Variants in ARHGAP19 observed in about 807,000 individuals in gnomAD.
The protein encoded by ARHGAP19 is Rho GTPase activating protein 19, also known as rho GTPase-activating protein 19.
In ARHGAP19, 48 loss-of-function variants were observed where a neutral mutation model predicts 60.9. The ratio of observed to expected loss-of-function variants is 0.79; its 90% confidence interval spans 0.62 to 1.00. The LOEUF is 1.00. Ranked by LOEUF, ARHGAP19 falls within the 50% of genes least tolerant of loss-of-function variation. ARHGAP19 has a pLI of 0.00. For synonymous variants in ARHGAP19, 209 were observed against 215.5 expected (o/e 0.97, Z 0.27); for missense variants, 562 against 597.2 (o/e 0.94, Z 0.61).
chr10:97,285,165 G>A lies in ARHGAP19; in HGVS notation c.56+7407C>T, dbSNP rs974535586. Among the ~76,000 whole-genome samples, 7 of 151,876 alleles carry A rather than the reference G, an allele frequency of 4.6e-5. 1 individual carries two copies. In the South Asian group the frequency reaches 6.2e-4, roughly 14 times the overall value. The stretch of plus-strand genomic sequence containing the variant: ...CAGGCATGAGACACTGTGCAAGGCC[G>A]AAAGTATATACTCTTAAAGCTTCAA... On this transcript the variant is annotated intron_variant, in intron 1 of 11. Coordinates refer to ENST00000358531, the MANE Select transcript of ARHGAP19 (RefSeq NM_032900.6).
chr10:97,282,059 C>T (rs971447089), intron 1 of ARHGAP19, among the ~76,000 whole-genome samples: 1 of 152,208 alleles, frequency 6.6e-6, no homozygotes, highest in Non-Finnish European at 1.5e-5. Flanking sequence ...CTGGTAACAG[C>T]ACCCCCATTT....
chr10:97,249,947 G>A (rs1258460349), intron 6 of ARHGAP19, among the ~76,000 whole-genome samples: 1 of 151,854 alleles, frequency 6.6e-6, no homozygotes, highest in African/African-American at 2.4e-5. Context: ...ACCGCGCCTG[G>A]CTAATTTTTT....
At chr10:97,243,921 C>A (rs184606476) in intron 8 of ARHGAP19, 47 bp downstream of exon 8, 2 of 1,487,280 alleles carry the variant, frequency 1.3e-6, no homozygotes, top group Non-Finnish European at 1.8e-6. Context: ...TCTACAACCA[C>A]GATTACACTC....
At chr10:97,239,380 C>T (rs1382902366) in intron 8 of ARHGAP19, among the ~76,000 whole-genome samples, 1 of 152,074 alleles carries the variant, frequency 6.6e-6, no homozygotes, top group Admixed American at 6.6e-5. Flanking sequence ...CCTGTAGTCC[C>T]AGCTACTCTG....
At chr10:97,243,678 C>CG (rs1347614996) in intron 8 of ARHGAP19, among the ~76,000 whole-genome samples, 1 of 152,152 alleles carries the variant, frequency 6.6e-6, no homozygotes, top group Admixed American at 6.5e-5. Flanking sequence ...GTTTAAACTT[C>CG]GGAACAATAT....
At chr10:97,259,805 CA>C (rs1400671692) in intron 4 of ARHGAP19, among the ~76,000 whole-genome samples, 177 bp from the exon 5 acceptor site, 1 of 135,056 alleles carries the variant, frequency 7.4e-6, no homozygotes, top group East Asian at 2.3e-4. Context: ...CAATGCAATT[CA>C]ACAATAAAAA....
chr10:97,250,212 G>T (rs1253393), intron 6 of ARHGAP19, among the ~76,000 whole-genome samples: 130,121 of 151,734 alleles, frequency 0.86, 56,141 homozygotes, highest in Non-Finnish European at 0.91. Flanking sequence ...AACATATATA[G>T]AGAGAGATAA....
chr10:97,274,298 T>C (rs1415899810), intron 1 of ARHGAP19, among the ~76,000 whole-genome samples: 2 of 152,016 alleles, frequency 1.3e-5, no homozygotes, highest in African/African-American at 4.8e-5. Context: ...ACCCCGTCTC[T>C]ACTAAAAAAT....
intron 1 of ARHGAP19, among the ~76,000 whole-genome samples, chr10:97,289,820 C>T (rs1257685464): frequency 6.8e-6 from 1 of 147,278 alleles, no homozygotes; most frequent in African/African-American, 2.5e-5. Flanking sequence ...TATCACTGCA[C>T]TCCAGCCTGG....
At position 97,225,983 on chromosome 10, in the gene ARHGAP19, GGGTCAC is replaced by G; in HGVS notation, c.*133_*138del. 1.2e-6 allele frequency: 1 copy of G among 823,190 alleles called. No homozygotes were observed. Among genetic ancestry groups the G allele is most frequent in the Non-Finnish European group, 2.0e-6 (1 of 512,186 alleles). 51.0% of individuals were successfully genotyped at this position (823,190 alleles called of 1,614,324 possible). On this transcript the variant is annotated 3_prime_UTR_variant, in exon 12 of 12. Coordinates refer to ENST00000358531, the MANE Select transcript of ARHGAP19 (RefSeq NM_032900.6). ...GTGAGTGGGGTTAGAGGTATCAGTC[GGGTCAC>G]GGTATTAGTTGGCTTTGACAATTCA...
At chr10:97,256,464 A>G in intron 5 of ARHGAP19, 60 bp from the exon 6 acceptor site, 1 of 1,185,210 alleles carries the variant, frequency 8.4e-7, no homozygotes, top group Non-Finnish European at 1.3e-6. Context: ...AGTACTTACC[A>G]ATAAGCCTGT....
intron 8 of ARHGAP19, among the ~76,000 whole-genome samples, chr10:97,242,503 TTTTTG>T (rs1360640641): frequency 3.3e-5 from 5 of 151,630 alleles, no homozygotes; most frequent in Non-Finnish European, 4.4e-5. Context: ...CCGGCTAATT[TTTTTG>T]TTTTGTTTTG....
At chr10:97,233,123 T>A (rs1851056710) in intron 9 of ARHGAP19, among the ~76,000 whole-genome samples, 1 of 151,624 alleles carries the variant, frequency 6.6e-6, no homozygotes, top group Non-Finnish European at 1.5e-5. Context: ...CACTCCAGCC[T>A]GAGGCATAGA....
chr10:97,234,092 C>A (rs1023975527), intron 9 of ARHGAP19, among the ~76,000 whole-genome samples: 1 of 151,738 alleles, frequency 6.6e-6, no homozygotes, highest in Non-Finnish European at 1.5e-5. Flanking sequence ...CATGGTGAAA[C>A]CCCCTCTCTA....
intron 9 of ARHGAP19, among the ~76,000 whole-genome samples, chr10:97,234,275 A>C (rs910464870): frequency 1.3e-5 from 2 of 152,040 alleles, no homozygotes; most frequent in African/African-American, 2.4e-5. Flanking sequence ...CTCAAAAAAA[A>C]ATTAAAAAAA....
At chr10:97,268,275 A>C (rs914867941) in intron 1 of ARHGAP19, among the ~76,000 whole-genome samples, 3 of 152,206 alleles carry the variant, frequency 2.0e-5, no homozygotes, top group Non-Finnish European at 4.4e-5. Flanking sequence ...TTCACTGTCC[A>C]TATCACTATC....
At chr10:97,260,999 CCCACT>C (rs1157567253) in intron 4 of ARHGAP19, among the ~76,000 whole-genome samples, 2 of 150,894 alleles carry the variant, frequency 1.3e-5, no homozygotes, top group Non-Finnish European at 2.9e-5. Flanking sequence ...TCCACTTTTC[CCCACT>C]CAGATATTTT....
At chr10:97,231,156 G>C (rs188645537) in intron 9 of ARHGAP19, among the ~76,000 whole-genome samples, 1 of 150,706 alleles carries the variant, frequency 6.6e-6, no homozygotes, top group African/African-American at 2.4e-5. Flanking sequence ...TCTATGACAG[G>C]GAAGTCAGAG....
chr10:97,272,131 CTTTTTT>C (rs35980234), intron 1 of ARHGAP19, among the ~76,000 whole-genome samples: 7 of 85,634 alleles, frequency 8.2e-5, no homozygotes, highest in Admixed American at 5.2e-4. Context: ...GGAAATATGT[CTTTTTT>C]TTTTTTTTTT....
Sources: allele counts gnomAD v4.1 joint callset (sites outside exome capture counted in the v4.1 genomes callset), GRCh38; gene constraint gnomAD v4.1.1; transcripts MANE v1.5; gene names NCBI Gene and HGNC (gene_info 2026-07-23, HGNC 2026-07-21).